The following HDAC4 variants were observed in gnomAD, a reference collection of about 807,000 sequenced individuals.
HDAC4 encodes the protein histone deacetylase 4.
In HDAC4, 16 loss-of-function variants were observed where a neutral mutation model predicts 135.1. That is an observed-to-expected ratio of 0.12 (90% confidence interval 0.08 to 0.18). The LOEUF (loss-of-function observed/expected upper bound fraction) is 0.18, where lower values mean the gene tolerates loss of function less well. Ranked by LOEUF, HDAC4 falls within the 10% of genes least tolerant of loss-of-function variation. The pLI, the probability that HDAC4 is intolerant of heterozygous loss-of-function variation, is 1.00. For synonymous variants in HDAC4, 685 were observed against 653.4 expected (o/e 1.05, Z -0.74); for missense variants, 1,143 against 1,511.8 (o/e 0.76, Z 4.05).
chr2:239,099,402 C>A (rs987448945), intron 16 of HDAC4, among the ~76,000 whole-genome samples: 1 of 152,236 alleles, frequency 6.6e-6, no homozygotes, highest in Non-Finnish European at 1.5e-5. Context: ...CCTGCTGAAG[C>A]CCCTGCTGTG....
Position 239,352,558 on chromosome 2 carries a change from G to T in HDAC4, c.22+120C>A. On this transcript the variant is annotated intron_variant, in intron 2 of 26. Coordinates refer to ENST00000543185, the MANE Select transcript of HDAC4 (RefSeq NM_001378414.1). The surrounding 1 kb of genome is among the most constrained non-coding windows in gnomAD (Gnocchi z 4.4). ...CTTTGTGCTGTCAAAAACCAACAGT[G>T]ACCACTATCAAGAAAAACAAAAGTC... 2 of 923,986 alleles carry T rather than the reference G, an allele frequency of 2.2e-6. No individual in the cohort carries two copies. The highest frequency in any genetic ancestry group is 2.8e-5 in the South Asian group (2 of 71,272). 57.2% of individuals were successfully genotyped at this position (923,986 alleles called of 1,614,324 possible).
intron 2 of HDAC4, among the ~76,000 whole-genome samples, chr2:239,328,418 C>A (rs1043889989): frequency 6.6e-6 from 1 of 152,252 alleles, no homozygotes; most frequent in Admixed American, 6.5e-5. Flanking sequence ...GTAAGGCATT[C>A]TGTCCTTGAG....
At chr2:239,152,313 C>G (rs547361362) in intron 7 of HDAC4, among the ~76,000 whole-genome samples, 1 of 152,352 alleles carries the variant, frequency 6.6e-6, no homozygotes, top group South Asian at 2.1e-4. Flanking sequence ...ACAGTTCTGT[C>G]TCTTCTGACT....
intron 4 of HDAC4, among the ~76,000 whole-genome samples, chr2:239,188,284 C>T (rs1003340385): frequency 1.3e-5 from 2 of 152,236 alleles, no homozygotes; most frequent in African/African-American, 4.8e-5. Context: ...CTACAGACAA[C>T]TGATACTACT....
At chr2:239,278,113 G>C (rs917013070) in intron 2 of HDAC4, among the ~76,000 whole-genome samples, 1 of 139,196 alleles carries the variant, frequency 7.2e-6, no homozygotes, top group Non-Finnish European at 1.6e-5. Flanking sequence ...AGGGTGTCTT[G>C]AGAAATGAAC....
intron 2 of HDAC4, among the ~76,000 whole-genome samples, chr2:239,340,745 A>G (rs1692249549): frequency 6.6e-6 from 1 of 152,174 alleles, no homozygotes; most frequent in Non-Finnish European, 1.5e-5. Flanking sequence ...TGAGGGCCAC[A>G]CTGAGAGGAC....
At chr2:239,102,348 T>G (rs942959737) in intron 16 of HDAC4, among the ~76,000 whole-genome samples, 6 of 152,202 alleles carry the variant, frequency 3.9e-5, no homozygotes, top group Admixed American at 3.9e-4. Context: ...GCAGGTGCTT[T>G]CAGCCAGAGC....
At chr2:239,318,742 C>A (rs1055896731) in intron 2 of HDAC4, among the ~76,000 whole-genome samples, 6 of 150,156 alleles carry the variant, frequency 4.0e-5, no homozygotes, top group African/African-American at 1.2e-4. Flanking sequence ...CTATTTTTTG[C>A]TGATTTTCTG....
intron 5 of HDAC4, among the ~76,000 whole-genome samples, chr2:239,168,877 A>C (rs1179377089): frequency 6.6e-6 from 1 of 152,146 alleles, no homozygotes; most frequent in Non-Finnish European, 1.5e-5. Context: ...TGACCACCCA[A>C]ATCCTCAGTG....
chr2:239,236,106 T>C (rs771633264), intron 3 of HDAC4, among the ~76,000 whole-genome samples: 2 of 152,214 alleles, frequency 1.3e-5, no homozygotes, highest in Non-Finnish European at 2.9e-5. Context: ...TCACCACCGA[T>C]ACTTTTTTTT....
intron 2 of HDAC4, among the ~76,000 whole-genome samples, chr2:239,270,021 G>C (rs2049973668): frequency 6.6e-6 from 1 of 152,128 alleles, no homozygotes; most frequent in South Asian, 2.1e-4. Flanking sequence ...AACACAACAG[G>C]CAACTCTGAG....
At chr2:239,155,717 A>G (rs2042383417) in intron 7 of HDAC4, 1 of 152,274 alleles carries the variant, frequency 6.6e-6, no homozygotes, top group Admixed American at 6.5e-5. Context: ...CCTTTGGATA[A>G]CAGAGAATTT....
At chr2:239,106,763 C>T (rs896827498) in intron 15 of HDAC4, among the ~76,000 whole-genome samples, 11 of 152,162 alleles carry the variant, frequency 7.2e-5, no homozygotes, top group South Asian at 2.1e-4. Flanking sequence ...ACCTGCAGGG[C>T]GGGACCCTGC....
rs113794955 is a variant in HDAC4 at position 239,058,116 on chromosome 2, C to T, written c.3004-3283G>A. 3.0e-3 allele frequency among the ~76,000 whole-genome samples: 450 copies of T among 152,346 alleles called. 1 individual carries two copies. Among genetic ancestry groups the T allele is most frequent in the African/African-American group, 0.01 (428 of 41,580 alleles). ...TGGGTGCTCTGTGTCTACTCTGGCA[C>T]CCTAATTGGGGCTGGCCCAGTCCGG... On this transcript the variant is annotated intron_variant, in intron 24 of 26. Transcript: ENST00000543185.
At chr2:239,226,343 T>C (rs291336) in intron 3 of HDAC4, among the ~76,000 whole-genome samples, 141,545 of 152,176 alleles carry the variant, frequency 0.93, 65,978 homozygotes, top group East Asian at 1. Flanking sequence ...GAATCCTCCC[T>C]GAGAGATACT....
Position 239,352,899 on chromosome 2 carries a change from G to A in HDAC4, c.-200C>T, listed in dbSNP as rs1017992017. 18 of 611,950 alleles carry A rather than the reference G, an allele frequency of 2.9e-5. No homozygotes were observed. Among genetic ancestry groups the A allele is most frequent in the African/African-American group, 1.7e-4 (9 of 54,258 alleles). The allele number at this position is 611,950 out of a possible 1,614,324, so 37.9% of individuals were successfully genotyped here. On this transcript the variant is annotated 5_prime_UTR_variant, in exon 2 of 27. Transcript: ENST00000543185. This position sits in a 1 kb window ranked among gnomAD's most constrained non-coding sequence, Gnocchi z 4.4. ...ACCCACAAGTTGAACAGAGGCGTCCGCTGGCTTCTGCAGATGAACCTGCAA... is the reference window on the plus strand; with the variant it reads ...ACCCACAAGTTGAACAGAGGCGTCCACTGGCTTCTGCAGATGAACCTGCAA...
rs1318154401 is a variant in HDAC4, at chr2:239,400,332, G to A, written c.-220+646C>T. The stretch of plus-strand genomic sequence containing the variant: ...CATAAACGGCGCCCGGCCGGCCCCG[G>A]CGCCCGCCCGCCCCCGCCCTCACTC... On this transcript the variant is annotated intron_variant, in intron 1 of 26. Coordinates refer to ENST00000543185, the MANE Select transcript of HDAC4 (RefSeq NM_001378414.1). The surrounding 1 kb of genome is among the most constrained non-coding windows in gnomAD (Gnocchi z 4.7). The A allele has an allele frequency of 1.3e-5, 2 of 149,008 alleles. No homozygotes were observed. Among genetic ancestry groups the A allele is most frequent in the Non-Finnish European group, 3.0e-5 (2 of 66,806 alleles). 9.2% of individuals were successfully genotyped at this position (149,008 alleles called of 1,614,324 possible).
chr2:239,305,959 G>A (rs938810503), intron 2 of HDAC4, among the ~76,000 whole-genome samples: 4 of 152,176 alleles, frequency 2.6e-5, no homozygotes, highest in African/African-American at 9.7e-5. Flanking sequence ...GGTAGCCACC[G>A]GCATTTCAGA....
At chr2:239,393,151 GT>G (rs1345023125) in intron 1 of HDAC4, among the ~76,000 whole-genome samples, 1 of 152,144 alleles carries the variant, frequency 6.6e-6, no homozygotes, top group Non-Finnish European at 1.5e-5. Context: ...CCTTGCCCTT[GT>G]TTTGGAAGCT....
Sources: allele counts gnomAD v4.1 joint callset (sites outside exome capture counted in the v4.1 genomes callset), GRCh38; gene constraint gnomAD v4.1.1; non-coding constraint Gnocchi (gnomAD v3.1); transcripts MANE v1.5; gene names NCBI Gene and HGNC (gene_info 2026-07-23, HGNC 2026-07-21).